Variants in FRMD3 observed in about 807,000 individuals in gnomAD.
The protein encoded by FRMD3 is FERM domain-containing protein 3.
Under a neutral mutation model 70.2 loss-of-function variants are expected in FRMD3, and 33 were observed. The observed-to-expected ratio is 0.47, with a 90% CI of 0.36 to 0.63. The LOEUF is 0.63. FRMD3 is among the 20% of genes least tolerant of loss of function. The pLI is 0.00. For synonymous variants in FRMD3, 279 were observed against 255.9 expected (o/e 1.09, Z -0.86); for missense variants, 632 against 711.4 (o/e 0.89, Z 1.27).
intron 2 of FRMD3, among the ~76,000 whole-genome samples, 191 bp from the exon 3 acceptor site, chr9:83,373,146 G>C (rs908318812): frequency 6.6e-6 from 1 of 152,136 alleles, no homozygotes; most frequent in Admixed American, 6.5e-5. Context: ...ATAAATTACA[G>C]AGTTAACATT....
intron 5 of FRMD3, among the ~76,000 whole-genome samples, chr9:83,338,771 A>T (rs1823661279): frequency 6.6e-6 from 1 of 152,234 alleles, no homozygotes; most frequent in Non-Finnish European, 1.5e-5. Context: ...AATGGAGAAT[A>T]ATGGAAAAAG....
In FRMD3 at chr9:83,533,339, G is replaced by A. The variant is rs149410715; in HGVS notation, c.147+4746C>T. Among the ~76,000 whole-genome samples, 1,093 of 152,252 alleles carry A rather than the reference G, an allele frequency of 7.2e-3. 15 individuals are homozygous for A. Among genetic ancestry groups the A allele is most frequent in the African/African-American group, 0.024 (1,006 of 41,550 alleles). On this transcript the variant is annotated intron_variant, in intron 1 of 13. Coordinates refer to ENST00000304195, the MANE Select transcript of FRMD3 (RefSeq NM_174938.6). The stretch of plus-strand genomic sequence containing the variant: ...ATGGATAGTTATAAAATTCATATGA[G>A]ATAATACGTACACTACCACTTTGTC...
rs1824087244 is a variant in FRMD3, at chr9:83,349,842, T to G, written c.296-85A>C. On this transcript the variant is annotated intron_variant, in intron 3 of 13. Coordinates refer to ENST00000304195, the MANE Select transcript of FRMD3 (RefSeq NM_174938.6). Reference sequence around the variant, plus strand: ...ACACGGGAAAGGCAGCCGTGCAGCCTGACAGACTAGCCTGGGGAGTGGGGG... The same window carrying G: ...ACACGGGAAAGGCAGCCGTGCAGCCGGACAGACTAGCCTGGGGAGTGGGGG... The G allele has an allele frequency of 2.1e-5, 21 of 1,008,390 alleles. No individual in the cohort carries two copies. The East Asian group carries it at 5.3e-4, about 26-fold the overall frequency. The allele number at this position is 1,008,390 out of a possible 1,614,324, so 62.5% of individuals were successfully genotyped here. A position where few individuals can be genotyped will look rare whatever the true frequency, so the allele number is the denominator to read the frequency against.
intron 1 of FRMD3, among the ~76,000 whole-genome samples, chr9:83,455,949 A>C (rs1209402376): frequency 6.6e-6 from 1 of 152,222 alleles, no homozygotes; most frequent in Non-Finnish European, 1.5e-5. Context: ...ACTTGTATAC[A>C]TGGGGGCATT....
At chr9:83,383,504 G>A (rs560233923) in intron 2 of FRMD3, among the ~76,000 whole-genome samples, 1 of 152,256 alleles carries the variant, frequency 6.6e-6, no homozygotes, top group Admixed American at 6.5e-5. Flanking sequence ...AGTCTTCCCA[G>A]TTAGACTTAA....
At chr9:83,526,068 C>T (rs1006350580) in intron 1 of FRMD3, among the ~76,000 whole-genome samples, 7 of 152,202 alleles carry the variant, frequency 4.6e-5, no homozygotes, top group African/African-American at 7.2e-5. Flanking sequence ...TCCACTCAGA[C>T]GCCCTACAGG....
chr9:83,563,247 T>C, the FRMD3 span, among the ~76,000 whole-genome samples: 1 of 152,118 alleles, frequency 6.6e-6, no homozygotes, highest in Non-Finnish European at 1.5e-5. Flanking sequence ...TTCCCTTCAC[T>C]CCACCCTCAC....
intron 1 of FRMD3, among the ~76,000 whole-genome samples, chr9:83,438,693 T>C (rs958951235): frequency 1.8e-4 from 27 of 152,170 alleles, no homozygotes. Flanking sequence ...AGCCACCGCA[T>C]CCAGCAAAGA....
chr9:83,519,238 A>G (rs917468427), intron 1 of FRMD3, among the ~76,000 whole-genome samples: 3 of 152,334 alleles, frequency 2.0e-5, no homozygotes, highest in African/African-American at 7.2e-5. Context: ...TTTGCAATCT[A>G]TCCATCTGAC....
At chr9:83,337,612 G>C (rs1823622700) in intron 5 of FRMD3, among the ~76,000 whole-genome samples, 1 of 152,178 alleles carries the variant, frequency 6.6e-6, no homozygotes. Context: ...TGGGAAAATT[G>C]TATTAGAAGA....
At chr9:83,409,017 C>T (rs890971492) in intron 1 of FRMD3, among the ~76,000 whole-genome samples, 9 of 152,152 alleles carry the variant, frequency 5.9e-5, no homozygotes, top group Non-Finnish European at 1.0e-4. Flanking sequence ...TCAAAGAATG[C>T]TGCGATAAAT....
Position 83,490,796 on chromosome 9 carries a change from TCTCA to T in FRMD3, c.147+47285_147+47288del, listed in dbSNP as rs1302368981. ...CTCTCTCTCTCTCTCTCTCTCTCTC[TCTCA>T]CACACACACACACACACACACACAC... On this transcript the variant is annotated intron_variant, in intron 1 of 13. Coordinates refer to ENST00000304195, the MANE Select transcript of FRMD3 (RefSeq NM_174938.6). 5.4e-3 allele frequency among the ~76,000 whole-genome samples: 605 copies of T among 111,994 alleles called. 1 individual carries two copies. Among genetic ancestry groups the T allele is most frequent in the Non-Finnish European group, 6.7e-3 (372 of 55,786 alleles). The allele number at this position is 111,994 out of a possible 152,430, so 73.5% of individuals were successfully genotyped here.
the FRMD3 span, among the ~76,000 whole-genome samples, chr9:83,583,995 C>T: frequency 6.6e-6 from 1 of 152,148 alleles, no homozygotes; most frequent in African/African-American, 2.4e-5. Context: ...ATAGTGATTC[C>T]TCTTCTGCCT....
At chr9:83,585,466 C>T in the FRMD3 span, among the ~76,000 whole-genome samples, 1 of 152,166 alleles carries the variant, frequency 6.6e-6, no homozygotes, top group Non-Finnish European at 1.5e-5. Flanking sequence ...ATAAAGAGTG[C>T]ATTTCCCAGG....
At chr9:83,438,413 T>TTTGTTTTGTTTTG (rs1554705416) in intron 1 of FRMD3, among the ~76,000 whole-genome samples, 4,038 of 151,232 alleles carry the variant, frequency 0.027, 111 homozygotes, top group South Asian at 0.16. Context: ...GAGAGTTTTT[T>TTTGTTTTGTTTTG]TTTTGTTTTG....
intron 13 of FRMD3, among the ~76,000 whole-genome samples, chr9:83,249,659 A>G (rs1465754986): frequency 6.6e-6 from 1 of 152,238 alleles, no homozygotes; most frequent in East Asian, 1.9e-4. Flanking sequence ...CCATAAAAAT[A>G]CAAGAAATAT....
In FRMD3 at chr9:83,247,885, GAAT is replaced by G; in HGVS notation, c.*30_*32del. The G allele has an allele frequency of 6.2e-7, 1 of 1,603,750 alleles. No individual in the cohort carries two copies. The highest frequency in any genetic ancestry group is 8.5e-7 in the Non-Finnish European group (1 of 1,173,164). On this transcript the variant is annotated 3_prime_UTR_variant, in exon 14 of 14. Coordinates refer to ENST00000304195, the MANE Select transcript of FRMD3 (RefSeq NM_174938.6). ...CTGAAAAAAAGAAATCACTAGCATTGAATATAGCCCTTAGTCACGTGAGAGATT... is the reference window on the plus strand; with the variant it reads ...CTGAAAAAAAGAAATCACTAGCATTGATAGCCCTTAGTCACGTGAGAGATT...
intron 1 of FRMD3, among the ~76,000 whole-genome samples, chr9:83,531,362 G>C (rs80092213): frequency 8.9e-4 from 135 of 152,344 alleles, no homozygotes; most frequent in African/African-American, 3.1e-3. Context: ...TATTCTCCCT[G>C]AAGTCAATAC....
At chr9:83,350,321 T>C (rs1348014488) in intron 3 of FRMD3, among the ~76,000 whole-genome samples, 6 of 152,110 alleles carry the variant, frequency 3.9e-5, no homozygotes, top group Non-Finnish European at 8.8e-5. Context: ...GTCACCTGTA[T>C]GAAAATAAAC....
Sources: gnomAD v4.1 joint callset for allele counts (sites outside exome capture counted in the v4.1 genomes callset) on GRCh38, gnomAD v4.1.1 for gene constraint, MANE v1.5 for transcripts, NCBI Gene and HGNC (gene_info 2026-07-23, HGNC 2026-07-21) for gene names.